Variants in FGF14 observed in about 807,000 individuals in gnomAD.
FGF14 encodes the protein fibroblast growth factor homologous factor 4.
FGF14 carries 5 observed loss-of-function variants against 25.5 expected under a neutral mutation model. The ratio of observed to expected loss-of-function variants is 0.20; its 90% CI spans 0.10 to 0.41. FGF14 has a LOEUF of 0.41. Ranked by LOEUF, FGF14 falls within the 10% of genes least tolerant of loss-of-function variation. The pLI is 1.00. For synonymous variants in FGF14, 138 were observed against 118.3 expected (o/e 1.17, Z -1.08); for missense variants, 222 against 320.1 (o/e 0.69, Z 2.34).
At chr13:101,809,186 T>C (rs1227438547) in intron 3 of FGF14, among the ~76,000 whole-genome samples, 1 of 152,140 alleles carries the variant, frequency 6.6e-6, no homozygotes, top group East Asian at 1.9e-4. Flanking sequence ...AATAACATAA[T>C]ATGTAAAGAT....
chr13:101,836,367 T>C (rs946045156), intron 3 of FGF14, among the ~76,000 whole-genome samples: 4 of 151,974 alleles, frequency 2.6e-5, no homozygotes, highest in African/African-American at 9.7e-5. Flanking sequence ...ATTAGATAAA[T>C]AAAGATGTTT....
At chr13:102,233,972 A>C (rs2051204123) in intron 1 of FGF14, among the ~76,000 whole-genome samples, 4 of 152,338 alleles carry the variant, frequency 2.6e-5, no homozygotes, top group South Asian at 2.1e-4. Flanking sequence ...ACAACTGTCC[A>C]CCTTACATGA....
intron 3 of FGF14, among the ~76,000 whole-genome samples, chr13:101,850,206 G>A (rs1201411354): frequency 6.8e-6 from 1 of 147,434 alleles, no homozygotes; most frequent in Non-Finnish European, 1.5e-5. Context: ...GGCTAAGGTG[G>A]GTGGATCACT....
Position 101,863,240 on chromosome 13 carries a change from T to C in FGF14, c.408+5485A>G, listed in dbSNP as rs1023465520. Among the ~76,000 whole-genome samples the C allele has an allele frequency of 2.6e-5, 4 of 152,148 alleles. No individual in the cohort carries two copies. In the East Asian group the frequency reaches 7.7e-4, roughly 29 times the overall value. On this transcript the variant is annotated intron_variant, in intron 3 of 4. Transcript: ENST00000376143. ...AAGATAAAGAATAAAATAATTTCCA[T>C]TCTTAAAGGGGCACCTGTGTGTAAC...
chr13:101,853,274 A>G (rs1283985269), intron 3 of FGF14, among the ~76,000 whole-genome samples: 1 of 152,060 alleles, frequency 6.6e-6, no homozygotes, highest in African/African-American at 2.4e-5. Flanking sequence ...ATGGGGAAGT[A>G]TCTGACCTCA....
At chr13:102,287,802 C>A (rs1258340825) in intron 1 of FGF14, among the ~76,000 whole-genome samples, 2 of 152,226 alleles carry the variant, frequency 1.3e-5, no homozygotes, top group African/African-American at 4.8e-5. Context: ...AATCCTCTGG[C>A]CACTGGAGTC....
chr13:102,156,736 C>T lies in FGF14; in HGVS notation c.208+244735G>A, dbSNP rs569553237. On this transcript the variant is annotated intron_variant, in intron 1 of 4. Coordinates refer to the FGF14 transcript ENST00000376131. ...AAGTCAAATTGTCCCTGTTTGCAGA[C>T]GACATGATTGTATATCTAGAAAACC... Among the ~76,000 whole-genome samples, 925 of 152,114 alleles carry T rather than the reference C, an allele frequency of 6.1e-3. 8 individuals are homozygous for T. Among genetic ancestry groups the T allele is most frequent in the African/African-American group, 0.013 (543 of 41,502 alleles).
intron 1 of FGF14, among the ~76,000 whole-genome samples, chr13:101,893,634 T>C (rs555935722): frequency 1.3e-5 from 2 of 152,082 alleles, no homozygotes; most frequent in South Asian, 2.1e-4. Flanking sequence ...AAATGCAACA[T>C]TGTTGACCTT....
intron 3 of FGF14, among the ~76,000 whole-genome samples, chr13:101,740,369 C>G (rs555100921): frequency 6.6e-5 from 10 of 152,034 alleles, no homozygotes; most frequent in Admixed American, 6.6e-4. Context: ...AAATGTGAAG[C>G]CTAAAAGAGA....
chr13:102,291,717 G>A (rs1284244507), intron 1 of FGF14, among the ~76,000 whole-genome samples: 1 of 151,908 alleles, frequency 6.6e-6, no homozygotes, highest in African/African-American at 2.4e-5. Context: ...GAATAAGGCT[G>A]GGAAAAAAAT....
chr13:101,866,658 CAGT>C (rs1197655349), intron 3 of FGF14, among the ~76,000 whole-genome samples: 2 of 152,040 alleles, frequency 1.3e-5, no homozygotes, highest in Non-Finnish European at 2.9e-5. Flanking sequence ...AGTAGGCTCT[CAGT>C]AACAAATTAT....
intron 1 of FGF14, among the ~76,000 whole-genome samples, chr13:101,954,394 A>AC (rs2036378091): frequency 6.6e-6 from 1 of 152,168 alleles, no homozygotes; most frequent in Non-Finnish European, 1.5e-5. Context: ...GTTTTATTTC[A>AC]TTGTAGCACT....
chr13:102,268,963 T>C (rs1390618024), intron 1 of FGF14, among the ~76,000 whole-genome samples: 1 of 152,190 alleles, frequency 6.6e-6, no homozygotes, highest in Non-Finnish European at 1.5e-5. Flanking sequence ...AAATAATATT[T>C]AGCTTGTGTA....
At chr13:101,852,178 A>T (rs1483280062) in intron 3 of FGF14, among the ~76,000 whole-genome samples, 1 of 152,122 alleles carries the variant, frequency 6.6e-6, no homozygotes, top group Non-Finnish European at 1.5e-5. Context: ...CATATCTATC[A>T]ATATCACTGC....
intron 1 of FGF14, among the ~76,000 whole-genome samples, chr13:102,257,851 A>G (rs2052526197): frequency 6.6e-6 from 1 of 152,092 alleles, no homozygotes; most frequent in South Asian, 2.1e-4. Flanking sequence ...TCTTCTTCCT[A>G]GCTCTTCAAG....
At chr13:102,068,066 C>A (rs2042978079) in intron 1 of FGF14, among the ~76,000 whole-genome samples, 1 of 152,076 alleles carries the variant, frequency 6.6e-6, no homozygotes, top group South Asian at 2.1e-4. Flanking sequence ...GAGAAAATAT[C>A]CTCTGAACAT....
intron 1 of FGF14, among the ~76,000 whole-genome samples, chr13:101,997,962 A>G (rs926071938): frequency 6.6e-6 from 1 of 152,218 alleles, no homozygotes; most frequent in Admixed American, 6.5e-5. Flanking sequence ...ACAGTGAAGC[A>G]AATGAATGTA....
chr13:102,030,723 G>A lies in FGF14; in HGVS notation c.209-155427C>T, dbSNP rs577013705. Among the ~76,000 whole-genome samples, 80 of 152,056 alleles carry A rather than the reference G, an allele frequency of 5.3e-4. No individual in the cohort carries two copies. In the South Asian group the frequency reaches 0.016, roughly 30 times the overall value. On this transcript the variant is annotated intron_variant, in intron 1 of 4. Transcript: ENST00000376131. ...AGCCTGAGTCCCGCACAGGGACTTC[G>A]GGGAAGCCTAGAGGAAAGGTGGCTG...
At chr13:101,871,490 T>G (rs1328828531) in intron 2 of FGF14, among the ~76,000 whole-genome samples, 1 of 152,116 alleles carries the variant, frequency 6.6e-6, no homozygotes, top group Non-Finnish European at 1.5e-5. Flanking sequence ...CACTGAGTGA[T>G]CGAAATATTT....
Sources: allele counts gnomAD v4.1 joint callset (sites outside exome capture counted in the v4.1 genomes callset), GRCh38; gene constraint gnomAD v4.1.1; transcripts MANE v1.5; gene names NCBI Gene and HGNC (gene_info 2026-07-23, HGNC 2026-07-21).